The following HIF1AN variants were observed in gnomAD, a reference collection of about 807,000 sequenced individuals.
The protein encoded by HIF1AN is hypoxia-inducible factor 1-alpha inhibitor.
HIF1AN carries 21 observed loss-of-function variants against 47.7 expected under a neutral mutation model. The ratio of observed to expected loss-of-function variants is 0.44; its 90% CI spans 0.31 to 0.63. The LOEUF (loss-of-function observed/expected upper bound fraction) is 0.63. HIF1AN is among the 30% of genes least tolerant of loss of function. The pLI is 0.07. For synonymous variants in HIF1AN, 152 were observed against 155.9 expected (o/e 0.98, Z 0.18); for missense variants, 320 against 432.7 (o/e 0.74, Z 2.31).
chr10:100,547,772 C>T (rs1171418433), intron 7 of HIF1AN, among the ~76,000 whole-genome samples: 2 of 152,204 alleles, frequency 1.3e-5, no homozygotes, highest in Non-Finnish European at 2.9e-5. Context: ...AGTTAACATT[C>T]TGGAGAAACA....
At position 100,545,070 on chromosome 10, in the gene HIF1AN, C is replaced by T; in HGVS notation, c.697C>T (p.His233Tyr). The T allele has an allele frequency of 6.2e-7, 1 of 1,614,218 alleles. No homozygotes were observed. Among genetic ancestry groups the T allele is most frequent in the Non-Finnish European group, 8.5e-7 (1 of 1,180,024 alleles). The change falls in exon 4 of 8, where the codon CAT (histidine) becomes TAT (tyrosine). Residue 233 changes from histidine (H) to tyrosine (Y), a missense_variant. Around this residue, in one of 2 missense-constraint regions of HIF1AN, gnomAD observed 161 missense variants for 272.8 expected, o/e 0.59. Coordinates refer to ENST00000299163, the MANE Select transcript of HIF1AN (RefSeq NM_017902.3). The stretch of plus-strand genomic sequence containing the variant: ...CGAGTGCCTCTACCCATACCCTGTT[C>T]ATCACCCATGTGACAGACAGAGCCA... Reference protein sequence around the residue: ...QFECLYPYPVHHPCDRQSQVD... With the variant: ...QFECLYPYPVYHPCDRQSQVD...
intron 3 of HIF1AN, among the ~76,000 whole-genome samples, chr10:100,542,231 T>C (rs1843041279): frequency 6.6e-6 from 1 of 152,160 alleles, no homozygotes; most frequent in East Asian, 1.9e-4. Context: ...GACTAAAATG[T>C]CATCATGTGG....
At chr10:100,539,173 C>T (rs561601097) in intron 2 of HIF1AN, among the ~76,000 whole-genome samples, 2 of 152,192 alleles carry the variant, frequency 1.3e-5, no homozygotes, top group Non-Finnish European at 2.9e-5. Context: ...CTTAGGCAAT[C>T]CACCTCCCTT....
chr10:100,548,041 T>G, intron 7 of HIF1AN, 52 bp from the exon 8 acceptor site: 1 of 1,571,772 alleles, frequency 6.4e-7, no homozygotes, highest in Non-Finnish European at 8.8e-7. Context: ...CCTGTCCAAT[T>G]CCAGGGCCAG....
rs538856066 is a variant in HIF1AN at position 100,548,485 on chromosome 10, C to T, written c.*348C>T. On this transcript the variant is annotated 3_prime_UTR_variant, in exon 8 of 8. Transcript: ENST00000299163. ...ATGTGTGCGTGTGTGTGCATGCACA[C>T]GCATGTATGTATCTGTTCCCTGTTC... 132 of 233,300 alleles carry T rather than the reference C, an allele frequency of 5.7e-4. 2 individuals carry two copies. The highest frequency in any genetic ancestry group is 4.2e-3 in the South Asian group (33 of 7,948). The allele number at this position is 233,300 out of a possible 1,614,324, so 14.5% of individuals were successfully genotyped here.
intron 7 of HIF1AN, 132 bp from the exon 8 acceptor site, chr10:100,547,961 G>A: frequency 2.5e-6 from 2 of 795,916 alleles, no homozygotes; most frequent in East Asian, 5.2e-5. Context: ...TAGGTGATTA[G>A]AGGATTCACA....
chr10:100,551,992 C>T lies in HIF1AN; in HGVS notation c.*3855C>T, dbSNP rs1843166381. 6.6e-6 allele frequency: 1 copy of T among 152,202 alleles called. No individual in the cohort carries two copies. Among genetic ancestry groups the T allele is most frequent in the Non-Finnish European group, 1.5e-5 (1 of 68,110 alleles). 9.4% of individuals were successfully genotyped at this position (152,202 alleles called of 1,614,324 possible). ...AGCAACGTTGATGTCCCCACAACCC[C>T]ACATCAGTGCAGCTGTGGCTGTGTG... On this transcript the variant is annotated 3_prime_UTR_variant, in exon 8 of 8. Coordinates refer to ENST00000299163, the MANE Select transcript of HIF1AN (RefSeq NM_017902.3).
In HIF1AN at chr10:100,548,161, G is replaced by T; in HGVS notation, c.*24G>T. On this transcript the variant is annotated 3_prime_UTR_variant, in exon 8 of 8. Transcript: ENST00000299163. ...AGCCTGCCAGGGGTCAAGGCCTCCT[G>T]CCAGGTGACTGCTATCCCGTCCACA... 6.3e-7 allele frequency: 1 copy of T among 1,596,946 alleles called. No individual in the cohort carries two copies. Among genetic ancestry groups the T allele is most frequent in the Non-Finnish European group, 8.5e-7 (1 of 1,171,022 alleles).
chr10:100,545,340 A>T, intron 4 of HIF1AN: 1 of 445,880 alleles, frequency 2.2e-6, no homozygotes, highest in Non-Finnish European at 4.0e-6. Context: ...ACTGTCATTG[A>T]TGCTGATGGA....
Position 100,548,272 on chromosome 10 carries a change from G to C in HIF1AN, c.*135G>C, listed in dbSNP as rs74436470. The C allele has an allele frequency of 1.4e-6, 1 of 739,946 alleles. No homozygotes were observed. Among genetic ancestry groups the C allele is most frequent in the Non-Finnish European group, 2.1e-6 (1 of 480,294 alleles). The allele number at this position is 739,946 out of a possible 1,614,324, so 45.8% of individuals were successfully genotyped here. A position where few individuals can be genotyped will look rare whatever the true frequency, so the allele number is the denominator to read the frequency against. On this transcript the variant is annotated 3_prime_UTR_variant, in exon 8 of 8. Transcript: ENST00000299163. ...ACTGGACTCTTGCCATGGCCCAGGA[G>C]TCAGGTGTTTGGAGCGAGGCAGGGC...
intron 2 of HIF1AN, among the ~76,000 whole-genome samples, chr10:100,539,525 T>C (rs1842999096): frequency 6.6e-6 from 1 of 152,246 alleles, no homozygotes; most frequent in South Asian, 2.1e-4. Flanking sequence ...AACAGAGGCT[T>C]ATTTCTCACT....
At chr10:100,546,224 T>C (rs1278881558) in intron 5 of HIF1AN, among the ~76,000 whole-genome samples, 175 bp downstream of exon 5, 1 of 152,060 alleles carries the variant, frequency 6.6e-6, no homozygotes, top group Non-Finnish European at 1.5e-5. Context: ...GCGGGAATGA[T>C]AGCCCTGTCT....
rs536440609 is a variant in HIF1AN, at chr10:100,543,636, G to C, written c.578-1315G>C. On this transcript the variant is annotated intron_variant, in intron 3 of 7. Coordinates refer to ENST00000299163, the MANE Select transcript of HIF1AN (RefSeq NM_017902.3). ...CGCCCAGACTGGAGTGCAATGGCGTGATCTCAGCTCACTGCAAGCTCTGCC... is the reference window on the plus strand; with the variant it reads ...CGCCCAGACTGGAGTGCAATGGCGTCATCTCAGCTCACTGCAAGCTCTGCC... 2.0e-5 allele frequency among the ~76,000 whole-genome samples: 3 copies of C among 152,230 alleles called. No homozygotes were observed. In the South Asian group the frequency reaches 6.2e-4, roughly 32 times the overall value.
Position 100,535,976 on chromosome 10 carries a change from G to A in HIF1AN, c.18G>A (p.Ala6=). Residue 6 remains alanine, a synonymous_variant, in exon 1 of 8, where the codon GCG becomes GCA. Coordinates refer to ENST00000299163, the MANE Select transcript of HIF1AN (RefSeq NM_017902.3). MAATA[A]EAVASGSGEP... ...CGGCGGAGATGGCGGCGACAGCGGC[G>A]GAGGCTGTGGCCTCTGGCTCTGGAG... The A allele has an allele frequency of 1.3e-6, 2 of 1,553,476 alleles. No individual in the cohort carries two copies. The highest frequency in any genetic ancestry group is 2.4e-5 in the South Asian group (2 of 84,460).
intron 5 of HIF1AN, 51 bp from the exon 6 acceptor site, chr10:100,546,466 GC>G: frequency 3.0e-6 from 1 of 334,610 alleles, no homozygotes; most frequent in Non-Finnish European, 4.8e-6. Flanking sequence ...TCGCCCCTCC[GC>G]CCCCGCCAAA....
In HIF1AN at chr10:100,540,534, A is replaced by T. The variant is rs553230903; in HGVS notation, c.429-100A>T. On this transcript the variant is annotated intron_variant, in intron 2 of 7. Transcript: ENST00000299163. ...TGACTACATCTGTTCTCTGTGGGAG[A>T]TGCTGGTATGGATTTGGGCTTGGAT... 17 of 1,304,138 alleles carry T rather than the reference A, an allele frequency of 1.3e-5. No individual in the cohort carries two copies. The African/African-American group carries it at 1.9e-4, about 15-fold the overall frequency. 80.8% of individuals were successfully genotyped at this position (1,304,138 alleles called of 1,614,324 possible). A position where few individuals can be genotyped will look rare whatever the true frequency, so the allele number is the denominator to read the frequency against.
At position 100,548,341 on chromosome 10, in the gene HIF1AN, C is replaced by T; in HGVS notation, c.*204C>T. ...ATTTGGAGGGACTTCATACCCTTGC[C>T]TCTTGTGCCCCAGCACCTTCTCTCT... On this transcript the variant is annotated 3_prime_UTR_variant, in exon 8 of 8. Transcript: ENST00000299163. 2.0e-6 allele frequency: 1 copy of T among 496,608 alleles called. No homozygotes were observed. The highest frequency in any genetic ancestry group is 3.5e-6 in the Non-Finnish European group (1 of 282,086). 30.8% of individuals were successfully genotyped at this position (496,608 alleles called of 1,614,324 possible).
At chr10:100,547,524 G>A (rs1220513687) in intron 7 of HIF1AN, among the ~76,000 whole-genome samples, 2 of 152,102 alleles carry the variant, frequency 1.3e-5, no homozygotes, top group Non-Finnish European at 2.9e-5. Flanking sequence ...AACAGGAAGC[G>A]AGCACTAACA....
At chr10:100,542,350 TTTTA>T (rs1163582668) in intron 3 of HIF1AN, among the ~76,000 whole-genome samples, 1 of 152,118 alleles carries the variant, frequency 6.6e-6, no homozygotes, top group Non-Finnish European at 1.5e-5. Flanking sequence ...ACTTTATTGT[TTTTA>T]TTTATTTATT....
Sources: allele counts gnomAD v4.1 joint callset (sites outside exome capture counted in the v4.1 genomes callset), GRCh38; gene constraint gnomAD v4.1.1; regional missense constraint gnomAD v4.1.1; transcripts MANE v1.5; gene names NCBI Gene and HGNC (gene_info 2026-07-23, HGNC 2026-07-21).